Variants in JPH3 observed in about 807,000 individuals in gnomAD.
JPH3 encodes the protein junctophilin-3.
Under a neutral mutation model 59.6 loss-of-function variants are expected in JPH3, and 11 were observed. That is an observed-to-expected ratio of 0.18 (90% confidence interval 0.12 to 0.31). The LOEUF (loss-of-function observed/expected upper bound fraction) is 0.31, where lower values mean the gene tolerates loss of function less well. JPH3 is among the 10% of genes least tolerant of loss of function. The pLI, the probability that JPH3 is intolerant of heterozygous loss-of-function variation, is 1.00. For missense variants in JPH3, 1,202 were observed against 1,105.7 expected, an observed-to-expected ratio of 1.09 and a Z score of -1.24; for synonymous variants, 673 against 483.6, an observed-to-expected ratio of 1.39 and a Z score of -5.14.
At chr16:87,685,551 C>G (rs1378812732) in intron 3 of JPH3, among the ~76,000 whole-genome samples, 1 of 152,256 alleles carries the variant, frequency 6.6e-6, no homozygotes, top group African/African-American at 2.4e-5. Context: ...GTGTAGCGTG[C>G]ACGTGCATGT....
chr16:87,610,069 A>G (rs779587557), intron 1 of JPH3, among the ~76,000 whole-genome samples: 1 of 152,180 alleles, frequency 6.6e-6, no homozygotes, highest in Non-Finnish European at 1.5e-5. Context: ...GGAGTGTGCA[A>G]ACTAGGTCCC....
At chr16:87,671,864 G>A (rs1051114938) in intron 2 of JPH3, among the ~76,000 whole-genome samples, 2 of 152,232 alleles carry the variant, frequency 1.3e-5, no homozygotes, top group Non-Finnish European at 2.9e-5. Flanking sequence ...TTGAAGATCG[G>A]TTTTCAGCAG....
intron 2 of JPH3, chr16:87,654,008 T>C (rs9940076): frequency 0.67 from 101,543 of 152,156 alleles, 34,062 homozygotes; most frequent in South Asian, 0.8. Context: ...TCTACTCCAT[T>C]GTGTGAGAGT....
At chr16:87,664,239 G>A (rs765000771) in intron 2 of JPH3, among the ~76,000 whole-genome samples, 3 of 151,850 alleles carry the variant, frequency 2.0e-5, no homozygotes, top group East Asian at 1.9e-4. Context: ...GCTGAGGCAG[G>A]AGAATGGCGT....
chr16:87,687,678 G>C (rs965815443), intron 3 of JPH3, among the ~76,000 whole-genome samples: 3 of 152,224 alleles, frequency 2.0e-5, no homozygotes, highest in Admixed American at 2.0e-4. Flanking sequence ...TCCTCACCAC[G>C]AGGCTTCTAG....
rs1157494553 is a variant in JPH3 at position 87,644,326 on chromosome 16, G to A, written c.451G>A (p.Gly151Ser). ...CGGCGTCCGGCAGAGCGTCCCGTATGGCATGGCCGCGGTCATCCGCTCACC... is the reference window on the plus strand; with the variant it reads ...CGGCGTCCGGCAGAGCGTCCCGTATAGCATGGCCGCGGTCATCCGCTCACC... ...GYGVRQSVPY[G>S]MAAVIRSPLR... The change falls in exon 2 of 5, where the codon GGC (glycine) becomes AGC (serine). Residue 151 changes from glycine (G) to serine (S), a missense_variant. By Grantham distance (56) the Gly-to-Ser change is moderately conservative (BLOSUM62 0). Coordinates refer to ENST00000284262, the MANE Select transcript of JPH3 (RefSeq NM_020655.4). 1.2e-6 allele frequency: 2 copies of A among 1,612,946 alleles called. No individual in the cohort carries two copies. Among genetic ancestry groups the A allele is most frequent in the Non-Finnish European group, 1.7e-6 (2 of 1,179,926 alleles).
chr16:87,640,464 C>G (rs779210499), intron 1 of JPH3, among the ~76,000 whole-genome samples: 3 of 151,810 alleles, frequency 2.0e-5, no homozygotes, highest in African/African-American at 7.3e-5. Flanking sequence ...GATCTGTGCT[C>G]ACTGTAACCT....
At chr16:87,619,385 A>G (rs1567584468) in intron 1 of JPH3, among the ~76,000 whole-genome samples, 1 of 151,576 alleles carries the variant, frequency 6.6e-6, no homozygotes, top group Non-Finnish European at 1.5e-5. Flanking sequence ...GGCTGTAGAC[A>G]CCACTGTGAG....
chr16:87,626,294 C>G (rs2150832301), intron 1 of JPH3, among the ~76,000 whole-genome samples: 1 of 152,290 alleles, frequency 6.6e-6, no homozygotes, highest in East Asian at 1.9e-4. Context: ...CCAGGCCGCA[C>G]AGTTATCACC....
chr16:87,645,345 A>ATCT (rs1314277212), intron 2 of JPH3, among the ~76,000 whole-genome samples: 2 of 152,226 alleles, frequency 1.3e-5, no homozygotes, highest in African/African-American at 4.8e-5. Flanking sequence ...TGAATAAAGA[A>ATCT]GGTGGTCTGT....
intron 2 of JPH3, chr16:87,654,857 C>T (rs2032441176): frequency 6.6e-6 from 1 of 152,324 alleles, no homozygotes; most frequent in African/African-American, 2.4e-5. Flanking sequence ...TCACAGGAAC[C>T]AGCGACCACT....
intron 1 of JPH3, among the ~76,000 whole-genome samples, chr16:87,615,660 C>T (rs539223615): frequency 7.2e-5 from 11 of 152,320 alleles, no homozygotes; most frequent in African/African-American, 2.4e-4. Context: ...TCTGGGTCGC[C>T]TGACCCGGCC....
rs1462853588 is a variant in JPH3 at position 87,614,738 on chromosome 16, C to T, written c.382+11210C>T. Among the ~76,000 whole-genome samples the T allele has an allele frequency of 7.1e-4, 96 of 134,772 alleles. 1 individual carries two copies. Among genetic ancestry groups the T allele is most frequent in the African/African-American group, 2.7e-3 (90 of 33,458 alleles). 88.4% of individuals were successfully genotyped at this position (134,772 alleles called of 152,430 possible). On this transcript the variant is annotated intron_variant, in intron 1 of 4. Transcript: ENST00000284262. Reference sequence around the variant, plus strand: ...GTCCCTGCACACACGAGGAGCCGCGCGTCCCCTCCCGGGATAAACGCTGGT... The same window carrying T: ...GTCCCTGCACACACGAGGAGCCGCGTGTCCCCTCCCGGGATAAACGCTGGT...
intron 4 of JPH3, chr16:87,694,530 C>T (rs2033725409): frequency 6.6e-6 from 1 of 152,264 alleles, no homozygotes; most frequent in Admixed American, 6.5e-5. Context: ...CGTGACCCCA[C>T]TGGGGCTCTG....
In JPH3 at chr16:87,603,209, C is replaced by A; in HGVS notation, c.63C>A (p.Asp21Glu). ...DGGSYCGGWE[D>E]GKAHGHGVCT... ...GGTCCTACTGTGGAGGCTGGGAGGACGGCAAGGCGCACGGCCATGGCGTCT... is the reference window on the plus strand; with the variant it reads ...GGTCCTACTGTGGAGGCTGGGAGGAAGGCAAGGCGCACGGCCATGGCGTCT... Residue 21 changes from aspartate to glutamate, a missense_variant, in exon 1 of 5, where the codon GAC (aspartate) becomes GAA (glutamate). Coordinates refer to ENST00000284262, the MANE Select transcript of JPH3 (RefSeq NM_020655.4). 1 of 1,613,892 alleles carries A rather than the reference C, an allele frequency of 6.2e-7. No individual in the cohort carries two copies. Among genetic ancestry groups the A allele is most frequent in the Non-Finnish European group, 8.5e-7 (1 of 1,179,924 alleles).
chr16:87,662,358 CCCAAAA>C (rs1301669805), intron 2 of JPH3, among the ~76,000 whole-genome samples: 23 of 152,096 alleles, frequency 1.5e-4, no homozygotes, highest in Admixed American at 1.1e-3. Context: ...TTCTGCATCT[CCCAAAA>C]CCAAAACCAA....
intron 1 of JPH3, among the ~76,000 whole-genome samples, chr16:87,628,851 A>G (rs1224437973): frequency 1.5e-4 from 23 of 152,086 alleles, no homozygotes; most frequent in Admixed American, 1.5e-3. Context: ...GAGGATGCTC[A>G]GTCACTCCCA....
Position 87,677,235 on chromosome 16 carries a change from A to C in JPH3, c.1161-6907A>C, listed in dbSNP as rs1352245240. On this transcript the variant is annotated intron_variant, in intron 2 of 4. Coordinates refer to ENST00000284262, the MANE Select transcript of JPH3 (RefSeq NM_020655.4). Reference sequence around the variant, plus strand: ...ACACACACACACACACAAAAAAAAAAATTAGCCGGGTGTGGTGGGCGCCTG... The same window carrying C: ...ACACACACACACACACAAAAAAAAACATTAGCCGGGTGTGGTGGGCGCCTG... Among the ~76,000 whole-genome samples the C allele has an allele frequency of 1.6e-3, 107 of 68,484 alleles. 3 individuals are homozygous for C. Among genetic ancestry groups the C allele is most frequent in the African/African-American group, 2.1e-3 (43 of 20,648 alleles). 44.9% of individuals were successfully genotyped at this position (68,484 alleles called of 152,430 possible).
At chr16:87,623,592 C>G (rs2031267080) in intron 1 of JPH3, among the ~76,000 whole-genome samples, 1 of 152,204 alleles carries the variant, frequency 6.6e-6, no homozygotes, top group African/African-American at 2.4e-5. Flanking sequence ...AAAACAACCT[C>G]TATTTCCTTC....
Sources: gnomAD v4.1 joint callset for allele counts (sites outside exome capture counted in the v4.1 genomes callset) on GRCh38, gnomAD v4.1.1 for gene constraint, MANE v1.5 for transcripts, NCBI Gene and HGNC (gene_info 2026-07-23, HGNC 2026-07-21) for gene names.